Variants in SRGAP3 observed in about 807,000 individuals in gnomAD.
SRGAP3 encodes the protein SLIT-ROBO Rho GTPase-activating protein 3.
A neutral mutation model predicts 121.1 loss-of-function variants in SRGAP3; 39 were observed. The ratio of observed to expected loss-of-function variants is 0.32; its 90% CI spans 0.25 to 0.42. The LOEUF (loss-of-function observed/expected upper bound fraction) is 0.42. Among genes scored for constraint, SRGAP3 ranks in the 10% least tolerant of loss-of-function variants. SRGAP3 has a pLI of 1.00. For synonymous variants in SRGAP3, 601 were observed against 570.0 expected, an observed-to-expected ratio of 1.05 and a Z score of -0.77; for missense variants, 1,213 against 1,470.6, an observed-to-expected ratio of 0.82 and a Z score of 2.86.
In SRGAP3 at chr3:9,060,356, G is replaced by C. The variant is rs751139729; in HGVS notation, c.676C>G (p.Gln226Glu). The C allele has an allele frequency of 1.9e-6, 3 of 1,613,768 alleles. No individual in the cohort carries two copies. Among genetic ancestry groups the C allele is most frequent in the Non-Finnish European group, 2.5e-6 (3 of 1,179,896 alleles). The change falls in exon 6 of 22, where the codon CAG (glutamine) becomes GAG (glutamate). Residue 226 changes from glutamine to glutamate, a missense_variant. This residue lies in a region of SRGAP3 where 793 missense variants were observed against 1,032.9 expected (regional missense o/e 0.77). Transcript: ENST00000383836. Reference sequence around the variant, plus strand: ...AGCTTGTTCTCAGAGTACTTGGCCTGCCTCTGGAAGAAGAAAAGAGTAGAT... The same window carrying C: ...AGCTTGTTCTCAGAGTACTTGGCCTCCCTCTGGAAGAAGAAAAGAGTAGAT... ...KKIEKMKEKRQAKYSENKLKC... is the reference protein window; with the variant it reads ...KKIEKMKEKREAKYSENKLKC...
chr3:9,006,231 T>C (rs1357672806), intron 18 of SRGAP3, among the ~76,000 whole-genome samples: 2 of 151,864 alleles, frequency 1.3e-5, no homozygotes, highest in Non-Finnish European at 2.9e-5. Context: ...AAACCCCGTC[T>C]CTACTAAAAA....
intron 3 of SRGAP3, among the ~76,000 whole-genome samples, chr3:9,271,233 C>T (rs909172466): frequency 6.6e-6 from 1 of 152,312 alleles, no homozygotes; most frequent in South Asian, 2.1e-4. Flanking sequence ...ACCTGGGAGG[C>T]TGAGGCACAA....
rs533738927 is a variant in SRGAP3, at chr3:9,037,864, G to A, written c.1436+199C>T. On this transcript the variant is annotated intron_variant, in intron 11 of 21. Coordinates refer to ENST00000383836, the MANE Select transcript of SRGAP3 (RefSeq NM_014850.4). ...GCGCCCCTTCCATCGCCAGCCTGGA[G>A]GGGCGTGGCTTTGTCAGTCTAATGC... The A allele has an allele frequency of 1.1e-4, 73 of 677,834 alleles. No individual in the cohort carries two copies. In the African/African-American group the frequency reaches 1.2e-3, roughly 11 times the overall value. The allele number at this position is 677,834 out of a possible 1,614,324, so 42.0% of individuals were successfully genotyped here.
At chr3:9,189,489 C>T (rs1416124697) in intron 1 of SRGAP3, among the ~76,000 whole-genome samples, 1 of 152,202 alleles carries the variant, frequency 6.6e-6, no homozygotes, top group Non-Finnish European at 1.5e-5. Context: ...TCCCTTTATT[C>T]AAGATCATAG....
chr3:9,212,760 G>A (rs1952489572), intron 1 of SRGAP3, among the ~76,000 whole-genome samples: 1 of 152,198 alleles, frequency 6.6e-6, no homozygotes, highest in Admixed American at 6.5e-5. Context: ...TAGACTATAA[G>A]TTCATGAGGG....
At chr3:9,013,003 G>A (rs990829235) in intron 17 of SRGAP3, among the ~76,000 whole-genome samples, 8 of 152,118 alleles carry the variant, frequency 5.3e-5, no homozygotes, top group African/African-American at 1.7e-4. Flanking sequence ...AGTCCTTGTG[G>A]TAATAGTTGA....
At chr3:9,318,789 G>T (rs1299226535) in intron 3 of SRGAP3, among the ~76,000 whole-genome samples, 3 of 151,498 alleles carry the variant, frequency 2.0e-5, no homozygotes, top group South Asian at 2.1e-4. Flanking sequence ...TGAGATGGGG[G>T]GATCGCTTGA....
chr3:9,235,350 G>C lies in SRGAP3; in HGVS notation c.67+13535C>G, dbSNP rs572224040. Among the ~76,000 whole-genome samples, 6 of 152,260 alleles carry C rather than the reference G, an allele frequency of 3.9e-5. No individual in the cohort carries two copies. In the South Asian group the frequency reaches 1.0e-3, roughly 26 times the overall value. On this transcript the variant is annotated intron_variant, in intron 1 of 21. Coordinates refer to ENST00000383836, the MANE Select transcript of SRGAP3 (RefSeq NM_014850.4). The stretch of plus-strand genomic sequence containing the variant: ...TTGATAGAGACGTGAAGTCTGGAAG[G>C]AAATACATTGAATGTTTATAGTGGT...
intron 1 of SRGAP3, among the ~76,000 whole-genome samples, chr3:9,237,831 G>A (rs984395590): frequency 1.3e-5 from 2 of 152,182 alleles, no homozygotes; most frequent in African/African-American, 2.4e-5. Context: ...CTACTGAAGG[G>A]TTTTAAACAG....
chr3:9,124,612 G>T, intron 2 of SRGAP3, 113 bp downstream of exon 2: 1 of 1,393,648 alleles, frequency 7.2e-7, no homozygotes, highest in Non-Finnish European at 1.0e-6. Flanking sequence ...GGCCCTGAAG[G>T]CACACCCTCT....
intron 12 of SRGAP3, among the ~76,000 whole-genome samples, chr3:9,030,216 C>CT (rs576548064): frequency 4.6e-5 from 7 of 152,144 alleles, no homozygotes; most frequent in Middle Eastern, 6.8e-3. Flanking sequence ...ACAAACACAC[C>CT]TTTTTTCCCA....
chr3:9,317,734 C>T (rs1394204248), intron 3 of SRGAP3, among the ~76,000 whole-genome samples: 2 of 152,218 alleles, frequency 1.3e-5, no homozygotes, highest in Non-Finnish European at 2.9e-5. Flanking sequence ...CACTCCAGGA[C>T]AAGGCCTGAG....
At chr3:9,353,579 T>C (rs2030315137) in intron 1 of SRGAP3, among the ~76,000 whole-genome samples, 1 of 152,218 alleles carries the variant, frequency 6.6e-6, no homozygotes, top group Non-Finnish European at 1.5e-5. Flanking sequence ...ACTAAAGCGG[T>C]TTTATAGCCC....
chr3:9,096,986 TAC>T (rs1948011468), intron 3 of SRGAP3, among the ~76,000 whole-genome samples: 1 of 112,644 alleles, frequency 8.9e-6, no homozygotes, highest in African/African-American at 3.1e-5. Flanking sequence ...TATATACACA[TAC>T]ACACACATAT....
chr3:9,207,685 C>A (rs1952310591), intron 1 of SRGAP3, among the ~76,000 whole-genome samples: 1 of 152,108 alleles, frequency 6.6e-6, no homozygotes, highest in East Asian at 1.9e-4. Context: ...TGAGGTTGGC[C>A]CTTTGGAGTT....
At chr3:9,050,753 G>A (rs1945527982) in intron 9 of SRGAP3, among the ~76,000 whole-genome samples, 1 of 152,186 alleles carries the variant, frequency 6.6e-6, no homozygotes, top group Non-Finnish European at 1.5e-5. Context: ...TGTGCATGTT[G>A]TAACCACAAA....
At chr3:9,053,245 G>A in intron 8 of SRGAP3, 21 bp from the exon 9 acceptor site, 1 of 1,609,444 alleles carries the variant, frequency 6.2e-7, no homozygotes, top group Non-Finnish European at 8.5e-7. Context: ...ACAGCAGATT[G>A]ACAAAAATCC....
At chr3:9,356,009 G>C (rs1395238740) in intron 1 of SRGAP3, 2 of 152,108 alleles carry the variant, frequency 1.3e-5, no homozygotes, top group Non-Finnish European at 2.9e-5. Context: ...TCTAGGTAGA[G>C]CCCTCATGAT....
At chr3:9,011,670 G>A in intron 17 of SRGAP3, among the ~76,000 whole-genome samples, 1 of 151,496 alleles carries the variant, frequency 6.6e-6, no homozygotes. Flanking sequence ...TTCCATCAGA[G>A]CTCCTGCACC....
Sources: allele counts gnomAD v4.1 joint callset (sites outside exome capture counted in the v4.1 genomes callset), GRCh38; gene constraint gnomAD v4.1.1; regional missense constraint gnomAD v4.1.1; transcripts MANE v1.5; gene names NCBI Gene and HGNC (gene_info 2026-07-23, HGNC 2026-07-21).